CHST10: variants seen among roughly 807,000 people sequenced by gnomAD.
The protein encoded by CHST10 is carbohydrate sulfotransferase 10.
Under a neutral mutation model 34.7 loss-of-function variants are expected in CHST10, and 24 were observed. That is an observed-to-expected ratio of 0.69 (90% CI 0.50 to 0.97). The LOEUF (loss-of-function observed/expected upper bound fraction) is 0.97. Among genes scored for constraint, CHST10 ranks in the 50% least tolerant of loss-of-function variants. The probability of loss-of-function intolerance (pLI) is 0.00; values close to 1 mark genes in which losing one functional copy is unlikely to be tolerated. For missense variants in CHST10, 402 were observed against 452.1 expected (o/e 0.89, Z 1.00); for synonymous variants, 161 against 169.3 (o/e 0.95, Z 0.38).
chr2:100,414,099 G>A (rs1229785271), intron 2 of CHST10, among the ~76,000 whole-genome samples: 1 of 152,174 alleles, frequency 6.6e-6, no homozygotes. Flanking sequence ...AAGGGCATGG[G>A]CAGGATGTTG....
At chr2:100,406,354 T>G (rs976517150) in intron 3 of CHST10, among the ~76,000 whole-genome samples, 12 of 152,198 alleles carry the variant, frequency 7.9e-5, no homozygotes, top group African/African-American at 2.9e-4. Context: ...AGCAGCTTCC[T>G]TCCTCCAGAG....
chr2:100,417,394 C>G lies in CHST10; in HGVS notation c.-124G>C, dbSNP rs1676112844. 1 of 292,390 alleles carries G rather than the reference C, an allele frequency of 3.4e-6. No individual in the cohort carries two copies. Among genetic ancestry groups the G allele is most frequent in the East Asian group, 9.0e-5 (1 of 11,068 alleles). The allele number at this position is 292,390 out of a possible 1,614,324, so 18.1% of individuals were successfully genotyped here. A position where few individuals can be genotyped will look rare whatever the true frequency, so the allele number is the denominator to read the frequency against. On this transcript the variant is annotated 5_prime_UTR_variant, in exon 1 of 7. Transcript: ENST00000264249. ...CTCACCCTACTGGAGCGGCGCTCGT[C>G]CGGGTCCTTAGGCTCCTCCCCTGGC...
At chr2:100,415,407 G>A (rs1676024301) in intron 1 of CHST10, among the ~76,000 whole-genome samples, 1 of 152,158 alleles carries the variant, frequency 6.6e-6, no homozygotes, top group Admixed American at 6.5e-5. Flanking sequence ...TGTTTCGTAT[G>A]TTTGAAATAG....
At chr2:100,405,733 C>T (rs887536284) in intron 3 of CHST10, among the ~76,000 whole-genome samples, 2 of 152,242 alleles carry the variant, frequency 1.3e-5, no homozygotes, top group African/African-American at 4.8e-5. Context: ...ATCTCCCAAT[C>T]AGCCTAAAGG....
In CHST10 at chr2:100,407,780, G is replaced by C. The variant is rs1675645366; in HGVS notation, c.-32-1073C>G. 3.9e-5 allele frequency: 6 copies of C among 152,246 alleles called. No homozygotes were observed. In the South Asian group the frequency reaches 1.2e-3, roughly 32 times the overall value. The allele number at this position is 152,246 out of a possible 1,614,324, so 9.4% of individuals were successfully genotyped here. A position where few individuals can be genotyped will look rare whatever the true frequency, so the allele number is the denominator to read the frequency against. On this transcript the variant is annotated intron_variant, in intron 2 of 6. Coordinates refer to ENST00000264249, the MANE Select transcript of CHST10 (RefSeq NM_004854.5). Reference sequence around the variant, plus strand: ...CCACACCTGAATACAGCCTGCAGTGGGGAGCTCACCACCTGCCAAGCTGCC... The same window carrying C: ...CCACACCTGAATACAGCCTGCAGTGCGGAGCTCACCACCTGCCAAGCTGCC...
rs1558639626 is a variant in CHST10 at position 100,402,577 on chromosome 2, G to A, written c.179C>T (p.Pro60Leu). Residue 60 changes from proline (P) to leucine (L), a missense_variant, in exon 4 of 7, where the codon CCT becomes CTT. By Grantham distance (98) the Pro-to-Leu change is moderately conservative. Transcript: ENST00000264249. ...GGCTGTGCCCACCTTCAGTTCCTCA[G>A]GAATGTGCTTCTCTTCTGGCAACTT... ...VRKLPEEKHI[P>L]EELKPTGKEL... is the part of the protein sequence containing the mutation. The A allele has an allele frequency of 6.2e-7, 1 of 1,613,814 alleles. No homozygotes were observed.
At chr2:100,408,696 C>G (rs1193643455) in intron 2 of CHST10, 1 of 152,164 alleles carries the variant, frequency 6.6e-6, no homozygotes, top group African/African-American at 2.4e-5. Context: ...AAGACACACT[C>G]TTATTCCAGC....
chr2:100,416,285 G>A (rs2104279820), intron 1 of CHST10: 1 of 152,386 alleles, frequency 6.6e-6, no homozygotes, highest in South Asian at 2.1e-4. Context: ...CAAGTTGCCT[G>A]TGATGTTTAC....
Position 100,397,909 on chromosome 2 carries a change from ATTTAGAACAAT to A in CHST10, c.415_425del (p.Ile139TrpfsTer7), listed in dbSNP as rs1464647460. On this transcript the variant is annotated frameshift_variant and splice_region_variant, in exon 5 of 7. Transcript: ENST00000264249. LOFTEE classifies it high-confidence loss of function. ...GACATTCAGTAGACCCACACACACCATTTAGAACAATCAGCACTTTCTTCCACTGGGTGTTG... is the reference window on the plus strand; with the variant it reads ...GACATTCAGTAGACCCACACACACCACAGCACTTTCTTCCACTGGGTGTTG... The A allele has an allele frequency of 1.2e-6, 2 of 1,609,906 alleles. No individual in the cohort carries two copies. Among genetic ancestry groups the A allele is most frequent in the Admixed American group, 3.3e-5 (2 of 59,914 alleles).
chr2:100,394,889 ATT>A (rs34088546), intron 6 of CHST10, among the ~76,000 whole-genome samples: 60 of 147,110 alleles, frequency 4.1e-4, no homozygotes, highest in Admixed American at 6.1e-4. Flanking sequence ...ACAGCGGGCT[ATT>A]TTTTTTTTTT....
chr2:100,395,525 C>T lies in CHST10; in HGVS notation c.517G>A (p.Ala173Thr), dbSNP rs745990434. The T allele has an allele frequency of 1.2e-6, 2 of 1,613,640 alleles. No homozygotes were observed. Among genetic ancestry groups the T allele is most frequent in the South Asian group, 2.2e-5 (2 of 91,050 alleles). Residue 173 changes from alanine to threonine, a missense_variant, in exon 6 of 7, where the codon GCA (alanine) becomes ACA (threonine). Physicochemically the swap from Ala to Thr is moderately conservative, Grantham distance 58. Coordinates refer to ENST00000264249, the MANE Select transcript of CHST10 (RefSeq NM_004854.5). Reference protein sequence around the residue: ...GLPRLSSFSDAEIQKRLKTYF... With the variant: ...GLPRLSSFSDTEIQKRLKTYF... Reference sequence around the variant, plus strand: ...TGTTCTCACCGCTTCTGAATTTCTGCATCACTGAAGGAAGAGAGCCGAGGA... The same window carrying T: ...TGTTCTCACCGCTTCTGAATTTCTGTATCACTGAAGGAAGAGAGCCGAGGA...
At chr2:100,394,913 G>A (rs1264719184) in intron 6 of CHST10, among the ~76,000 whole-genome samples, 1 of 151,884 alleles carries the variant, frequency 6.6e-6, no homozygotes, top group African/African-American at 2.4e-5. Context: ...AGTAGAAACG[G>A]GGTTTCTGTC....
Position 100,397,796 on chromosome 2 carries a change from C to T in CHST10, c.427+112G>A, listed in dbSNP as rs1465907486. ...CAGGCCTGTCTGGACGGCCACCAGT[C>T]CCTTCAGGTCAAACCAGCCCTCTTG... On this transcript the variant is annotated intron_variant, in intron 5 of 6. Coordinates refer to ENST00000264249, the MANE Select transcript of CHST10 (RefSeq NM_004854.5). 3 of 790,324 alleles carry T rather than the reference C, an allele frequency of 3.8e-6. No homozygotes were observed. In the African/African-American group the frequency reaches 5.2e-5, roughly 14 times the overall value. The allele number at this position is 790,324 out of a possible 1,614,324, so 49.0% of individuals were successfully genotyped here. A position where few individuals can be genotyped will look rare whatever the true frequency, so the allele number is the denominator to read the frequency against.
At chr2:100,409,240 G>A (rs756452445) in intron 2 of CHST10, among the ~76,000 whole-genome samples, 2 of 152,082 alleles carry the variant, frequency 1.3e-5, no homozygotes, top group Non-Finnish European at 2.9e-5. Context: ...TCTTTCCAAT[G>A]GAACTAGTCT....
intron 2 of CHST10, chr2:100,408,800 A>G (rs1675692136): frequency 6.6e-6 from 1 of 151,868 alleles, no homozygotes; most frequent in African/African-American, 2.4e-5. Flanking sequence ...CAGCCCTCTA[A>G]GACAGTGCAC....
In CHST10 at chr2:100,397,279, T is replaced by C. The variant is rs538343711; in HGVS notation, c.427+629A>G. ...AAAAAGAGTAGTGAGTAATCAAAAC[T>C]GCAGTGTATGAGGTTACTTTGTGAT... On this transcript the variant is annotated intron_variant, in intron 5 of 6. Coordinates refer to ENST00000264249, the MANE Select transcript of CHST10 (RefSeq NM_004854.5). 5.3e-5 allele frequency among the ~76,000 whole-genome samples: 8 copies of C among 152,350 alleles called. No homozygotes were observed. The East Asian group carries it at 1.5e-3, about 29-fold the overall frequency.
chr2:100,415,157 A>T (rs1676014922), intron 1 of CHST10, 46 bp from the exon 2 acceptor site: 1 of 1,154,622 alleles, frequency 8.7e-7, no homozygotes, highest in Admixed American at 2.7e-5. Flanking sequence ...AAAAGTTACA[A>T]GATCAACTTA....
chr2:100,394,542 G>A lies in CHST10; in HGVS notation c.534-760C>T, dbSNP rs911401473. 1.1e-4 allele frequency among the ~76,000 whole-genome samples: 16 copies of A among 152,204 alleles called. 1 individual carries two copies. Among genetic ancestry groups the A allele is most frequent in the African/African-American group, 2.4e-5 (1 of 41,458 alleles). On this transcript the variant is annotated intron_variant, in intron 6 of 6. Transcript: ENST00000264249. Reference sequence around the variant, plus strand: ...CTGGTAAGGGTTGTAAGGATGGGCAGGTGCCATGCAGGTCAGGCGCCATGC... The same window carrying A: ...CTGGTAAGGGTTGTAAGGATGGGCAAGTGCCATGCAGGTCAGGCGCCATGC...
chr2:100,398,637 G>T (rs1404812424), intron 4 of CHST10, among the ~76,000 whole-genome samples: 4 of 152,200 alleles, frequency 2.6e-5, no homozygotes, highest in African/African-American at 9.7e-5. Context: ...CCAGGAGGTG[G>T]AGGTTGCAGT....
Sources: allele counts gnomAD v4.1 joint callset (sites outside exome capture counted in the v4.1 genomes callset), GRCh38; gene constraint gnomAD v4.1.1; transcripts MANE v1.5; gene names NCBI Gene and HGNC (gene_info 2026-07-23, HGNC 2026-07-21).